Variants in RBPMS2 observed in about 807,000 individuals in gnomAD.
RBPMS2 encodes the protein RNA-binding protein with multiple splicing 2.
Under a neutral mutation model 25.7 loss-of-function variants are expected in RBPMS2, and 14 were observed. The ratio of observed to expected loss-of-function variants is 0.55; its 90% CI spans 0.36 to 0.85. The LOEUF (loss-of-function observed/expected upper bound fraction) is 0.85, where lower values mean the gene tolerates loss of function less well. Ranked by LOEUF, RBPMS2 falls within the 40% of genes least tolerant of loss-of-function variation. The pLI, the probability that RBPMS2 is intolerant of heterozygous loss-of-function variation, is 0.01. For missense variants in RBPMS2, 252 were observed against 283.4 expected, an observed-to-expected ratio of 0.89 and a Z score of 0.80; for synonymous variants, 127 against 115.6, an observed-to-expected ratio of 1.10 and a Z score of -0.63.
At chr15:64,767,044 A>G (rs2083852728) in intron 1 of RBPMS2, among the ~76,000 whole-genome samples, 1 of 152,088 alleles carries the variant, frequency 6.6e-6, no homozygotes, top group Non-Finnish European at 1.5e-5. Context: ...TCAGTCTCCT[A>G]AAGTGCTGGA....
At chr15:64,751,444 A>T in intron 2 of RBPMS2, 117 bp downstream of exon 2, 1 of 817,450 alleles carries the variant, frequency 1.2e-6, no homozygotes, top group South Asian at 1.5e-5. Context: ...ACCTGCCCCC[A>T]CAGCTTCTGC....
At position 64,740,341 on chromosome 15, in the gene RBPMS2, G is replaced by C. The variant is rs1215050676; in HGVS notation, c.*667C>G. On this transcript the variant is annotated 3_prime_UTR_variant, in exon 8 of 8. Coordinates refer to ENST00000300069, the MANE Select transcript of RBPMS2 (RefSeq NM_194272.3). ...CGGGCGGGGTGCGCTGTGGAGAGGT[G>C]AACAGAACGGGCAGAGAGGGCTTTC... is the stretch of plus-strand genomic sequence containing the variant. 1.3e-5 allele frequency: 2 copies of C among 152,286 alleles called. No individual in the cohort carries two copies. Among genetic ancestry groups the C allele is most frequent in the African/African-American group, 4.8e-5 (2 of 41,434 alleles). The allele number at this position is 152,286 out of a possible 1,614,324, so 9.4% of individuals were successfully genotyped here.
intron 6 of RBPMS2, among the ~76,000 whole-genome samples, chr15:64,745,739 G>A (rs1344907824): frequency 6.6e-6 from 1 of 152,188 alleles, no homozygotes; most frequent in Non-Finnish European, 1.5e-5. Flanking sequence ...GGCCAGGCAA[G>A]GTAGCCTCAT....
rs1293805585 is a variant in RBPMS2 at position 64,749,441 on chromosome 15, T to C, written c.257A>G (p.Asn86Ser). 6.2e-7 allele frequency: 1 copy of C among 1,613,568 alleles called. No individual in the cohort carries two copies. Among genetic ancestry groups the C allele is most frequent in the Non-Finnish European group, 8.5e-7 (1 of 1,179,862 alleles). Reference sequence around the variant, plus strand: ...TCTCCACCTACTCACGTTCAGCGCATTCTTGGCCGCTTCTGCTCCTGCACG... The same window carrying C: ...TCTCCACCTACTCACGTTCAGCGCACTCTTGGCCGCTTCTGCTCCTGCACG... ...DSRAGAEAAK[N>S]ALNGIRFDPE... Residue 86 changes from asparagine to serine, a missense_variant, in exon 4 of 8, where the codon AAT (asparagine) becomes AGT (serine). Physicochemically the swap from Asn to Ser is conservative, Grantham distance 46. Transcript: ENST00000300069.
chr15:64,773,503 C>A (rs1172208449), intron 1 of RBPMS2, among the ~76,000 whole-genome samples: 1 of 152,182 alleles, frequency 6.6e-6, no homozygotes, highest in Non-Finnish European at 1.5e-5. Flanking sequence ...GTAGGGATTC[C>A]ACTTTTTGAG....
intron 1 of RBPMS2, among the ~76,000 whole-genome samples, chr15:64,760,968 C>G (rs1031374618): frequency 6.7e-6 from 1 of 150,192 alleles, no homozygotes; most frequent in African/African-American, 2.5e-5. Context: ...TCCTGTCTCA[C>G]AGGATTGGGA....
intron 1 of RBPMS2, among the ~76,000 whole-genome samples, chr15:64,753,939 C>T (rs2083707330): frequency 6.6e-6 from 1 of 152,076 alleles, no homozygotes; most frequent in South Asian, 2.1e-4. Flanking sequence ...TTGAGGTGTG[C>T]GTGTGAATCC....
At chr15:64,762,539 A>G (rs776875029) in intron 1 of RBPMS2, 3 of 534,280 alleles carry the variant, frequency 5.6e-6, no homozygotes, top group South Asian at 2.8e-5. Context: ...AAGAGACCCC[A>G]CTGAGAACCA....
At chr15:64,763,140 C>T (rs990198353) in intron 1 of RBPMS2, among the ~76,000 whole-genome samples, 1 of 152,078 alleles carries the variant, frequency 6.6e-6, no homozygotes, top group African/African-American at 2.4e-5. Flanking sequence ...GTTGCTCTTA[C>T]GCCTCCCATA....
chr15:64,749,550 C>G, intron 3 of RBPMS2, 57 bp from the exon 4 acceptor site: 1 of 1,398,656 alleles, frequency 7.1e-7, no homozygotes. Context: ...ACCTCTCCCT[C>G]CAAAATAACA....
chr15:64,745,044 C>T (rs2083606039), intron 6 of RBPMS2, among the ~76,000 whole-genome samples: 1 of 151,848 alleles, frequency 6.6e-6, no homozygotes, highest in African/African-American at 2.4e-5. Context: ...GACCACCTGA[C>T]CTCAGGTAAT....
chr15:64,753,430 C>A (rs1008692967), intron 1 of RBPMS2, among the ~76,000 whole-genome samples: 9 of 152,172 alleles, frequency 5.9e-5, no homozygotes, highest in Non-Finnish European at 1.3e-4. Flanking sequence ...TCTCAGGAAG[C>A]TGGAGCAATG....
intron 1 of RBPMS2, among the ~76,000 whole-genome samples, chr15:64,754,441 G>GT (rs1567066420): frequency 6.6e-6 from 1 of 151,964 alleles, no homozygotes; most frequent in African/African-American, 2.4e-5. Context: ...GAGAAACCCC[G>GT]TCTCTACTAA....
At chr15:64,771,145 G>A (rs557573123) in intron 1 of RBPMS2, among the ~76,000 whole-genome samples, 2 of 152,302 alleles carry the variant, frequency 1.3e-5, no homozygotes, top group Non-Finnish European at 2.9e-5. Context: ...CCCCCTTCCA[G>A]GGGTGCCCCC....
In RBPMS2 at chr15:64,741,156, C is replaced by T; in HGVS notation, c.*7+17G>A. The stretch of plus-strand genomic sequence containing the variant: ...AGTCTAGGACACTTGTCCTGGGCCT[C>T]TGGGGCCAACACTTACTGAAAAACT... On this transcript the variant is annotated intron_variant, in intron 7 of 7. Transcript: ENST00000300069. The T allele has an allele frequency of 6.4e-7, 1 of 1,558,134 alleles. No individual in the cohort carries two copies. Among genetic ancestry groups the T allele is most frequent in the Non-Finnish European group, 8.7e-7 (1 of 1,148,852 alleles).
intron 1 of RBPMS2, among the ~76,000 whole-genome samples, chr15:64,768,397 A>C (rs540988629): frequency 2.7e-4 from 41 of 152,140 alleles, no homozygotes; most frequent in African/African-American, 9.6e-4. Flanking sequence ...CCAGCACTTT[A>C]GGAGGCCAAG....
chr15:64,769,534 C>T (rs1336876997), intron 1 of RBPMS2, among the ~76,000 whole-genome samples: 1 of 150,876 alleles, frequency 6.6e-6, no homozygotes, highest in Non-Finnish European at 1.5e-5. Flanking sequence ...GCAGCGGGCG[C>T]CTGTAGTCCC....
At chr15:64,775,157 G>A (rs1460443264) in intron 1 of RBPMS2, 76 bp downstream of exon 1, 8 of 835,904 alleles carry the variant, frequency 9.6e-6, no homozygotes, top group Non-Finnish European at 1.2e-5. Context: ...CGCGAGGCGC[G>A]GCAGGCCCCG....
At chr15:64,760,368 C>G (rs965909529) in intron 1 of RBPMS2, among the ~76,000 whole-genome samples, 3 of 152,234 alleles carry the variant, frequency 2.0e-5, no homozygotes, top group African/African-American at 4.8e-5. Flanking sequence ...CTAAACTTCT[C>G]AGATACTGTG....
Sources: allele counts gnomAD v4.1 joint callset (sites outside exome capture counted in the v4.1 genomes callset), GRCh38; gene constraint gnomAD v4.1.1; transcripts MANE v1.5; gene names NCBI Gene and HGNC (gene_info 2026-07-23, HGNC 2026-07-21).